FIP1L1: variants seen among roughly 807,000 people sequenced by gnomAD.
FIP1L1 encodes pre-mRNA 3'-end-processing factor FIP1.
Under a neutral mutation model 84.6 loss-of-function variants are expected in FIP1L1, and 21 were observed. The observed-to-expected ratio is 0.25, with a 90% CI of 0.18 to 0.36. The LOEUF is 0.36. FIP1L1 is among the 10% of genes least tolerant of loss of function. The probability of loss-of-function intolerance (pLI) is 1.00; values close to 1 mark genes in which losing one functional copy is unlikely to be tolerated. For missense variants in FIP1L1, 526 were observed against 751.1 expected (o/e 0.70, Z 3.50); for synonymous variants, 263 against 242.3 (o/e 1.09, Z -0.80).
At chr4:53,450,880 C>G (rs1006303532) in intron 15 of FIP1L1, among the ~76,000 whole-genome samples, 4 of 151,980 alleles carry the variant, frequency 2.6e-5, no homozygotes, top group Non-Finnish European at 5.9e-5. Flanking sequence ...TGGTAAATTA[C>G]ATCATCCATC....
intron 17 of FIP1L1, 50 bp downstream of exon 17, chr4:53,458,840 C>T (rs2150506434): frequency 6.4e-7 from 1 of 1,571,688 alleles, no homozygotes; most frequent in South Asian, 1.2e-5. Flanking sequence ...GAGATTTTGA[C>T]TTACTACATT....
At chr4:53,442,505 G>T in intron 13 of FIP1L1, 148 bp from the exon 14 acceptor site, 1 of 593,238 alleles carries the variant, frequency 1.7e-6, no homozygotes, top group African/African-American at 1.9e-5. Context: ...TCATAAGTTT[G>T]AGCTCCATTT....
chr4:53,402,730 A>G (rs1390265343), intron 10 of FIP1L1, among the ~76,000 whole-genome samples: 3 of 152,156 alleles, frequency 2.0e-5, no homozygotes, highest in Non-Finnish European at 4.4e-5. Flanking sequence ...AGCATTTTGT[A>G]TATTTATGGG....
chr4:53,399,913 A>G, intron 10 of FIP1L1, 74 bp downstream of exon 10: 5 of 995,310 alleles, frequency 5.0e-6, no homozygotes, highest in Middle Eastern at 2.2e-4. Flanking sequence ...TATATTAAGT[A>G]TAAAAGCTCT....
intron 16 of FIP1L1, among the ~76,000 whole-genome samples, chr4:53,457,083 A>G (rs1483997979): frequency 6.6e-6 from 1 of 152,148 alleles, no homozygotes; most frequent in African/African-American, 2.4e-5. Flanking sequence ...CATTAAATTC[A>G]CCAAGGACTG....
At chr4:53,392,092 A>G (rs1744555263) in intron 9 of FIP1L1, among the ~76,000 whole-genome samples, 1 of 152,260 alleles carries the variant, frequency 6.6e-6, no homozygotes. Context: ...CTTGTATAAC[A>G]AGTCTGATTT....
At chr4:53,429,623 T>C (rs1488625696) in intron 13 of FIP1L1, among the ~76,000 whole-genome samples, 1 of 152,216 alleles carries the variant, frequency 6.6e-6, no homozygotes, top group Non-Finnish European at 1.5e-5. Context: ...TACTTAAACT[T>C]TACTAGGTAG....
intron 15 of FIP1L1, among the ~76,000 whole-genome samples, chr4:53,447,082 A>G (rs1240192986): frequency 6.6e-6 from 1 of 152,118 alleles, no homozygotes; most frequent in African/African-American, 2.4e-5. Flanking sequence ...TTTGATAAAT[A>G]CAGCTTCTTT....
At chr4:53,429,602 CTTTGTAA>C (rs1187978325) in intron 13 of FIP1L1, among the ~76,000 whole-genome samples, 1 of 151,946 alleles carries the variant, frequency 6.6e-6, no homozygotes, top group Non-Finnish European at 1.5e-5. Flanking sequence ...TGTTGGATTC[CTTTGTAA>C]TATTACTTAA....
chr4:53,395,308 C>A (rs891779124), intron 9 of FIP1L1, among the ~76,000 whole-genome samples: 5 of 152,152 alleles, frequency 3.3e-5, no homozygotes, highest in African/African-American at 1.2e-4. Context: ...GAAACACGGG[C>A]AATTTTTGTG....
chr4:53,424,537 T>A (rs1264337080), intron 11 of FIP1L1, among the ~76,000 whole-genome samples: 1 of 152,104 alleles, frequency 6.6e-6, no homozygotes, highest in African/African-American at 2.4e-5. Context: ...CATTTTTAAA[T>A]TGTACTAAAG....
chr4:53,455,005 A>G (rs1456307366), intron 16 of FIP1L1, among the ~76,000 whole-genome samples: 2 of 152,216 alleles, frequency 1.3e-5, no homozygotes, highest in Non-Finnish European at 2.9e-5. Flanking sequence ...TATGTTATAT[A>G]GATAGTGTCT....
chr4:53,400,333 G>A (rs929393733), intron 10 of FIP1L1, among the ~76,000 whole-genome samples: 5 of 152,104 alleles, frequency 3.3e-5, no homozygotes, highest in African/African-American at 9.7e-5. Flanking sequence ...ATATGTTCCC[G>A]AAGGTATCAG....
At chr4:53,413,723 A>T (rs968305191) in intron 10 of FIP1L1, among the ~76,000 whole-genome samples, 4 of 152,112 alleles carry the variant, frequency 2.6e-5, no homozygotes. Flanking sequence ...TTATATTAAG[A>T]ATTTAAAATA....
intron 15 of FIP1L1, among the ~76,000 whole-genome samples, chr4:53,450,963 C>CTT (rs869294352): frequency 8.7e-5 from 12 of 138,184 alleles, no homozygotes; most frequent in South Asian, 2.3e-4. Flanking sequence ...TAAAGCTACT[C>CTT]TTTTTTTTTT....
In FIP1L1 at chr4:53,460,160, G is replaced by A. The variant is rs1721605941; in HGVS notation, c.*711G>A. 5.0e-6 allele frequency: 1 copy of A among 198,826 alleles called. No homozygotes were observed. The highest frequency in any genetic ancestry group is 6.0e-5 in the Admixed American group (1 of 16,584). The allele number at this position is 198,826 out of a possible 1,614,324, so 12.3% of individuals were successfully genotyped here. A position where few individuals can be genotyped will look rare whatever the true frequency, so the allele number is the denominator to read the frequency against. Reference sequence around the variant, plus strand: ...CTCATGACCATGTCTGTGAGCCAGGGTCAAGCTGGTTTGGCCTTCTTGATG... The same window carrying A: ...CTCATGACCATGTCTGTGAGCCAGGATCAAGCTGGTTTGGCCTTCTTGATG... On this transcript the variant is annotated 3_prime_UTR_variant, in exon 18 of 18. Transcript: ENST00000337488.
chr4:53,408,391 T>A (rs571008159), intron 10 of FIP1L1, among the ~76,000 whole-genome samples: 1 of 152,204 alleles, frequency 6.6e-6, no homozygotes, highest in Non-Finnish European at 1.5e-5. Flanking sequence ...CTTCACTTTG[T>A]GGGTAACCCG....
chr4:53,409,771 C>T (rs561007456), intron 10 of FIP1L1, among the ~76,000 whole-genome samples: 2 of 152,320 alleles, frequency 1.3e-5, no homozygotes, highest in South Asian at 4.1e-4. Context: ...TGCGAGACTC[C>T]GTGGGCGTAG....
At position 53,460,829 on chromosome 4, in the gene FIP1L1, A is replaced by G; in HGVS notation, c.*1380A>G. The stretch of plus-strand genomic sequence containing the variant: ...ATGTATTCTTTCTTTAAATATAAAA[A>G]CTGACAAGATAAATATAGTGTTTCA... On this transcript the variant is annotated 3_prime_UTR_variant, in exon 18 of 18. Coordinates refer to ENST00000337488, the MANE Select transcript of FIP1L1 (RefSeq NM_030917.4). 1 of 1,318,352 alleles carries G rather than the reference A, an allele frequency of 7.6e-7. No individual in the cohort carries two copies. Among genetic ancestry groups the G allele is most frequent in the Non-Finnish European group, 1.0e-6 (1 of 954,754 alleles). 81.7% of individuals were successfully genotyped at this position (1,318,352 alleles called of 1,614,324 possible).
Sources: gnomAD v4.1 joint callset for allele counts (sites outside exome capture counted in the v4.1 genomes callset) on GRCh38, gnomAD v4.1.1 for gene constraint, MANE v1.5 for transcripts, NCBI Gene and HGNC (gene_info 2026-07-23, HGNC 2026-07-21) for gene names.